The following EXOC4 variants were observed in gnomAD, a reference collection of about 807,000 sequenced individuals.
EXOC4 encodes the protein SEC8-like 1.
A neutral mutation model predicts 107.2 loss-of-function variants in EXOC4; 71 were observed. The observed-to-expected ratio is 0.66, with a 90% CI of 0.55 to 0.81. EXOC4 has a LOEUF of 0.81. EXOC4 is among the 30% of genes least tolerant of loss of function. The probability of loss-of-function intolerance (pLI) is 0.00; values close to 1 mark genes in which losing one functional copy is unlikely to be tolerated. For missense variants in EXOC4, 1,108 were observed against 1,189.6 expected (o/e 0.93, Z 1.01); for synonymous variants, 456 against 441.2 (o/e 1.03, Z -0.42).
intron 10 of EXOC4, among the ~76,000 whole-genome samples, chr7:133,730,672 A>T (rs1795307879): frequency 6.6e-6 from 1 of 152,200 alleles, no homozygotes; most frequent in South Asian, 2.1e-4. Flanking sequence ...CTGGACATAC[A>T]GCAAAGTGTA....
At chr7:133,879,692 A>T (rs905154804) in intron 11 of EXOC4, among the ~76,000 whole-genome samples, 2 of 152,064 alleles carry the variant, frequency 1.3e-5, no homozygotes, top group Non-Finnish European at 2.9e-5. Context: ...GGCCAGAGGG[A>T]CTCACAGAGC....
At chr7:133,301,497 C>G (rs894921806) in intron 3 of EXOC4, among the ~76,000 whole-genome samples, 1 of 152,146 alleles carries the variant, frequency 6.6e-6, no homozygotes, top group African/African-American at 2.4e-5. Context: ...GGGAGATTTA[C>G]TGACCTAGTG....
At chr7:133,988,057 T>C (rs539019844) in intron 14 of EXOC4, among the ~76,000 whole-genome samples, 5 of 152,232 alleles carry the variant, frequency 3.3e-5, no homozygotes, top group African/African-American at 1.2e-4. Context: ...ATGTTGACTT[T>C]CCTTGAGAGA....
chr7:133,969,210 C>T (rs1801143256), intron 14 of EXOC4, among the ~76,000 whole-genome samples: 1 of 152,102 alleles, frequency 6.6e-6, no homozygotes, highest in Non-Finnish European at 1.5e-5. Flanking sequence ...CTGTTCTTCT[C>T]TAAACTGGTT....
intron 11 of EXOC4, among the ~76,000 whole-genome samples, chr7:133,855,258 C>T (rs1236007390): frequency 6.7e-6 from 1 of 149,930 alleles, no homozygotes; most frequent in African/African-American, 2.5e-5. Context: ...TTTATACTCT[C>T]TCAGTCCTCC....
rs147946718 is a variant in EXOC4 at position 133,497,352 on chromosome 7, T to C, written c.1417+17214T>C. 4.3e-4 allele frequency among the ~76,000 whole-genome samples: 65 copies of C among 152,294 alleles called. 1 individual carries two copies. In the East Asian group the frequency reaches 0.012, roughly 28 times the overall value. ...CCTAAGACTGATGGATGGAAGTTGC[T>C]AGGCTAGCTCTCTTGTTGTAAGAAA... On this transcript the variant is annotated intron_variant, in intron 9 of 17. Transcript: ENST00000253861.
At chr7:133,370,149 C>T (rs1298934513) in intron 6 of EXOC4, among the ~76,000 whole-genome samples, 30 of 134,316 alleles carry the variant, frequency 2.2e-4, no homozygotes, top group African/African-American at 7.2e-4. Context: ...ACCCTCCCCC[C>T]CAAAAGCATA....
chr7:133,373,651 C>A (rs1796425266), intron 6 of EXOC4, among the ~76,000 whole-genome samples: 1 of 152,106 alleles, frequency 6.6e-6, no homozygotes. Flanking sequence ...CTGACAAGCT[C>A]TTTTGCTTTC....
chr7:133,465,739 G>C (rs527347331), intron 7 of EXOC4, among the ~76,000 whole-genome samples: 2 of 152,266 alleles, frequency 1.3e-5, no homozygotes, highest in Admixed American at 1.3e-4. Context: ...AAATTTGGAG[G>C]TCCCCAAATA....
At chr7:133,599,111 A>G (rs986651317) in intron 9 of EXOC4, among the ~76,000 whole-genome samples, 3 of 152,222 alleles carry the variant, frequency 2.0e-5, no homozygotes, top group South Asian at 2.1e-4. Flanking sequence ...TATTTTGGCT[A>G]TATTAGGTTA....
At chr7:133,583,498 G>C (rs1232698279) in intron 9 of EXOC4, among the ~76,000 whole-genome samples, 1 of 152,188 alleles carries the variant, frequency 6.6e-6, no homozygotes, top group African/African-American at 2.4e-5. Context: ...AGATTTTGCA[G>C]GAGAAAGAAC....
intron 10 of EXOC4, among the ~76,000 whole-genome samples, chr7:133,632,228 T>TG (rs1802608856): frequency 6.6e-6 from 1 of 152,180 alleles, no homozygotes; most frequent in Admixed American, 6.5e-5. Flanking sequence ...TTTCAAGGCT[T>TG]GGTAATACTC....
intron 10 of EXOC4, among the ~76,000 whole-genome samples, chr7:133,666,270 T>C (rs2430770): frequency 0.99 from 150,346 of 152,236 alleles, 74,273 homozygotes; most frequent in Middle Eastern, 1. Context: ...ATTAGGTTCC[T>C]CTGACATATG....
At chr7:134,027,840 A>T (rs1795178248) in intron 17 of EXOC4, among the ~76,000 whole-genome samples, 1 of 152,102 alleles carries the variant, frequency 6.6e-6, no homozygotes, top group Non-Finnish European at 1.5e-5. Flanking sequence ...GACCTTAGAG[A>T]TGGTATCTTC....
intron 10 of EXOC4, among the ~76,000 whole-genome samples, chr7:133,631,949 C>T (rs897743566): frequency 7.9e-5 from 12 of 151,962 alleles, no homozygotes; most frequent in Admixed American, 7.2e-4. Flanking sequence ...ACATTTATTC[C>T]CAAGTAGAAA....
intron 9 of EXOC4, among the ~76,000 whole-genome samples, chr7:133,497,313 A>G (rs1219390849): frequency 1.3e-5 from 2 of 151,756 alleles, no homozygotes; most frequent in Admixed American, 1.3e-4. Context: ...TCCCTTTGAG[A>G]CTCCCATGTA....
At chr7:134,099,866 C>G in the EXOC4 span, among the ~76,000 whole-genome samples, 1 of 152,056 alleles carries the variant, frequency 6.6e-6, no homozygotes, top group East Asian at 1.9e-4. Context: ...ACCACAACAC[C>G]CAGCTAATTT....
chr7:134,099,138 T>A, the EXOC4 span, among the ~76,000 whole-genome samples: 1 of 152,160 alleles, frequency 6.6e-6, no homozygotes, highest in Non-Finnish European at 1.5e-5. Flanking sequence ...ATTGTAGATG[T>A]AATTAGTTAA....
chr7:133,858,116 A>G (rs893893142), intron 11 of EXOC4, among the ~76,000 whole-genome samples: 2 of 152,170 alleles, frequency 1.3e-5, no homozygotes, highest in East Asian at 1.9e-4. Context: ...CCGCAGCTCA[A>G]GGAGCTGGCC....
Sources: gnomAD v4.1 joint callset for allele counts (sites outside exome capture counted in the v4.1 genomes callset) on GRCh38, gnomAD v4.1.1 for gene constraint, MANE v1.5 for transcripts, NCBI Gene and HGNC (gene_info 2026-07-23, HGNC 2026-07-21) for gene names.